Variants in AJAP1 observed in about 807,000 individuals in gnomAD.
AJAP1 encodes the protein adherens junction-associated protein 1.
A neutral mutation model predicts 35.0 loss-of-function variants in AJAP1; 5 were observed. The observed-to-expected ratio is 0.14, with a 90% CI of 0.07 to 0.30. The LOEUF (loss-of-function observed/expected upper bound fraction) is 0.30. Ranked by LOEUF, AJAP1 falls within the 10% of genes least tolerant of loss-of-function variation. The probability of loss-of-function intolerance (pLI) is 1.00; values close to 1 mark genes in which losing one functional copy is unlikely to be tolerated. For missense variants in AJAP1, 586 were observed against 571.0 expected, an observed-to-expected ratio of 1.03 and a Z score of -0.27; for synonymous variants, 284 against 249.3, an observed-to-expected ratio of 1.14 and a Z score of -1.31.
At chr1:4,774,869 C>T (rs1039156701) in intron 5 of AJAP1, among the ~76,000 whole-genome samples, 7 of 152,252 alleles carry the variant, frequency 4.6e-5, no homozygotes, top group South Asian at 2.1e-4. Context: ...GCGTGGCCTA[C>T]GTGGCAGGGA....
At chr1:4,661,965 CTG>C (rs1557598054) in intron 1 of AJAP1, among the ~76,000 whole-genome samples, 2 of 152,142 alleles carry the variant, frequency 1.3e-5, no homozygotes, top group East Asian at 3.9e-4. Context: ...AAATTAAAAA[CTG>C]TGGAAATCAA....
intron 2 of AJAP1, among the ~76,000 whole-genome samples, chr1:4,743,193 G>T (rs1641109620): frequency 6.6e-6 from 1 of 152,152 alleles, no homozygotes; most frequent in South Asian, 2.1e-4. Flanking sequence ...CTCTGCTGGG[G>T]CCCCACAGAG....
rs149996609 is a variant in AJAP1 at position 4,733,303 on chromosome 1, G to A, written c.829+20604G>A. On this transcript the variant is annotated intron_variant, in intron 2 of 5. Transcript: ENST00000378191. ...GAGCCGTGGGTCTGTGCTTCCCCAA[G>A]GCTGGATGGCCCCAAGAGTCATCAC... is the stretch of plus-strand genomic sequence containing the variant. Among the ~76,000 whole-genome samples, 46 of 152,072 alleles carry A rather than the reference G, an allele frequency of 3.0e-4. No homozygotes were observed. In the East Asian group the frequency reaches 8.5e-3, roughly 28 times the overall value.
At chr1:4,662,997 T>C (rs1326780046) in intron 1 of AJAP1, among the ~76,000 whole-genome samples, 1 of 152,102 alleles carries the variant, frequency 6.6e-6, no homozygotes, top group Non-Finnish European at 1.5e-5. Context: ...GTGGAAAGTG[T>C]GGGCTTCAGG....
At chr1:4,658,738 C>G (rs1638937645) in intron 1 of AJAP1, among the ~76,000 whole-genome samples, 1 of 152,216 alleles carries the variant, frequency 6.6e-6, no homozygotes, top group South Asian at 2.1e-4. Flanking sequence ...CCCAGTGTGT[C>G]CCTGTTGTTT....
chr1:4,764,484 C>T (rs926464597), intron 2 of AJAP1, among the ~76,000 whole-genome samples: 2 of 152,304 alleles, frequency 1.3e-5, no homozygotes, highest in Admixed American at 6.5e-5. Context: ...GTCAGGCCAA[C>T]GTGTTCCCAG....
chr1:4,743,667 C>G lies in AJAP1; in HGVS notation c.830-26186C>G, dbSNP rs151112195. On this transcript the variant is annotated intron_variant, in intron 2 of 5. Coordinates refer to ENST00000378191, the MANE Select transcript of AJAP1 (RefSeq NM_018836.4). ...TTTCTAATTTCTTCCCCTCTGCACCCTTCAACGAATTTATCTTTTACATAC... is the reference window on the plus strand; with the variant it reads ...TTTCTAATTTCTTCCCCTCTGCACCGTTCAACGAATTTATCTTTTACATAC... 4.6e-5 allele frequency among the ~76,000 whole-genome samples: 7 copies of G among 152,302 alleles called. No individual in the cohort carries two copies. The East Asian group carries it at 1.2e-3, about 25-fold the overall frequency.
At chr1:4,683,222 G>A (rs1417992616) in intron 1 of AJAP1, among the ~76,000 whole-genome samples, 1 of 152,236 alleles carries the variant, frequency 6.6e-6, no homozygotes, top group Non-Finnish European at 1.5e-5. Flanking sequence ...CAGGGGCATG[G>A]GAAGAGTAAA....
intron 1 of AJAP1, among the ~76,000 whole-genome samples, chr1:4,688,142 G>T (rs553577103): frequency 6.6e-6 from 1 of 152,172 alleles, no homozygotes; most frequent in Admixed American, 6.5e-5. Context: ...AGGCTGGAGC[G>T]GTGGCCCCAG....
At chr1:4,690,809 C>T (rs1255135152) in intron 1 of AJAP1, among the ~76,000 whole-genome samples, 1 of 152,200 alleles carries the variant, frequency 6.6e-6, no homozygotes, top group African/African-American at 2.4e-5. Flanking sequence ...GGGAAGCCTC[C>T]ACTCGGCCGC....
intron 2 of AJAP1, among the ~76,000 whole-genome samples, chr1:4,731,379 C>A (rs1045908837): frequency 2.0e-5 from 3 of 152,172 alleles, no homozygotes; most frequent in Non-Finnish European, 4.4e-5. Context: ...CTGTGCCTGG[C>A]CTGATTGTGT....
chr1:4,743,261 T>C (rs1005859049), intron 2 of AJAP1, among the ~76,000 whole-genome samples: 2 of 151,818 alleles, frequency 1.3e-5, no homozygotes, highest in Non-Finnish European at 2.9e-5. Context: ...AAGGAGGAAA[T>C]AGAACAAGAG....
intron 1 of AJAP1, among the ~76,000 whole-genome samples, chr1:4,704,106 A>T (rs1640048170): frequency 6.6e-6 from 1 of 151,346 alleles, no homozygotes; most frequent in Non-Finnish European, 1.5e-5. Context: ...TTACCCCCTT[A>T]CACTAGCCAG....
chr1:4,688,074 G>A (rs1009206069), intron 1 of AJAP1, among the ~76,000 whole-genome samples: 2 of 152,216 alleles, frequency 1.3e-5, no homozygotes, highest in African/African-American at 2.4e-5. Flanking sequence ...GCTGGAGGAC[G>A]CAGCAGTGGG....
chr1:4,675,227 G>A (rs1639337507), intron 1 of AJAP1, among the ~76,000 whole-genome samples: 1 of 152,218 alleles, frequency 6.6e-6, no homozygotes, highest in Non-Finnish European at 1.5e-5. Flanking sequence ...ACCTTCAGCT[G>A]CAATAATTCA....
chr1:4,757,586 C>G lies in AJAP1; in HGVS notation c.830-12267C>G, dbSNP rs189974729. On this transcript the variant is annotated intron_variant, in intron 2 of 5. Coordinates refer to ENST00000378191, the MANE Select transcript of AJAP1 (RefSeq NM_018836.4). ...CACCATGGAAACACATCACAGGTAC[C>G]TGGGGAGTGGGTCTACTACAGACAC... is the stretch of plus-strand genomic sequence containing the variant. Among the ~76,000 whole-genome samples, 212 of 152,300 alleles carry G rather than the reference C, an allele frequency of 1.4e-3. 1 individual carries two copies. The highest frequency in any genetic ancestry group is 2.8e-3 in the African/African-American group (115 of 41,556).
intron 2 of AJAP1, among the ~76,000 whole-genome samples, chr1:4,769,145 G>A (rs1259213704): frequency 6.6e-6 from 1 of 152,148 alleles, no homozygotes; most frequent in Non-Finnish European, 1.5e-5. Context: ...TCAGGTATTG[G>A]GGCCAGGGCA....
intron 1 of AJAP1, among the ~76,000 whole-genome samples, chr1:4,684,109 C>G (rs1475943390): frequency 6.6e-6 from 1 of 152,170 alleles, no homozygotes; most frequent in Non-Finnish European, 1.5e-5. Context: ...GGGCTCACCT[C>G]AATGGATTTG....
intron 1 of AJAP1, among the ~76,000 whole-genome samples, chr1:4,673,859 C>G (rs1214987960): frequency 1.3e-5 from 2 of 151,624 alleles, no homozygotes; most frequent in African/African-American, 4.8e-5. Flanking sequence ...AGGCTTTACT[C>G]CTGAGCCAGG....
Sources: gnomAD v4.1 joint callset for allele counts (sites outside exome capture counted in the v4.1 genomes callset) on GRCh38, gnomAD v4.1.1 for gene constraint, MANE v1.5 for transcripts, NCBI Gene and HGNC (gene_info 2026-07-23, HGNC 2026-07-21) for gene names.